Variants in SBNO1 observed in about 807,000 individuals in gnomAD.
SBNO1 encodes protein strawberry notch homolog 1.
SBNO1 carries 23 observed loss-of-function variants against 173.6 expected under a neutral mutation model. That is an observed-to-expected ratio of 0.13 (90% CI 0.10 to 0.19). The LOEUF (loss-of-function observed/expected upper bound fraction) is 0.19, where lower values mean the gene tolerates loss of function less well. Among genes scored for constraint, SBNO1 ranks in the 10% least tolerant of loss-of-function variants. SBNO1 has a pLI of 1.00. For missense variants in SBNO1, 1,238 were observed against 1,671.2 expected (o/e 0.74, Z 4.52); for synonymous variants, 632 against 571.5 (o/e 1.11, Z -1.51).
At chr12:123,336,871 C>A (rs1593385752) in intron 5 of SBNO1, among the ~76,000 whole-genome samples, 2 of 152,198 alleles carry the variant, frequency 1.3e-5, no homozygotes, top group Admixed American at 6.5e-5. Flanking sequence ...GTGTCTGGCT[C>A]TTCCTAGTGC....
intron 1 of SBNO1, 22 bp from the exon 2 acceptor site, chr12:123,350,463 A>C (rs1448265917): frequency 3.1e-6 from 5 of 1,601,752 alleles, no homozygotes; most frequent in Non-Finnish European, 3.4e-6. Flanking sequence ...AATATTAAAT[A>C]TTAACATAAA....
At chr12:123,301,200 G>A (rs1189098611) in intron 30 of SBNO1, among the ~76,000 whole-genome samples, 1 of 151,976 alleles carries the variant, frequency 6.6e-6, no homozygotes, top group Admixed American at 6.6e-5. Context: ...TAGAGACGTG[G>A]TTTCACCATG....
intron 1 of SBNO1, among the ~76,000 whole-genome samples, chr12:123,360,206 A>G (rs1223467782): frequency 6.6e-6 from 1 of 151,156 alleles, no homozygotes; most frequent in Non-Finnish European, 1.5e-5. Flanking sequence ...AGGTTGCACC[A>G]TTGCACTCCA....
Position 123,345,834 on chromosome 12 carries a change from A to G in SBNO1, c.238-264T>C, listed in dbSNP as rs149175052. On this transcript the variant is annotated intron_variant, in intron 3 of 31. Transcript: ENST00000602398. ...ACAGGTGCACACCACCATGCCCGGCAAATTTTTTTTAGAGATAAGAGTCTC... is the reference window on the plus strand; with the variant it reads ...ACAGGTGCACACCACCATGCCCGGCGAATTTTTTTTAGAGATAAGAGTCTC... Among the ~76,000 whole-genome samples, 243 of 152,072 alleles carry G rather than the reference A, an allele frequency of 1.6e-3. 3 individuals are homozygous for G. Among genetic ancestry groups the G allele is most frequent in the African/African-American group, 5.5e-3 (228 of 41,508 alleles).
chr12:123,311,186 C>A, intron 24 of SBNO1, 57 bp from the exon 25 acceptor site: 1 of 1,264,856 alleles, frequency 7.9e-7, no homozygotes, highest in South Asian at 1.2e-5. Context: ...TACAATGTAC[C>A]ACTAAGTGAG....
chr12:123,312,482 T>C (rs1215852335), intron 24 of SBNO1, among the ~76,000 whole-genome samples: 1 of 151,926 alleles, frequency 6.6e-6, no homozygotes, highest in Non-Finnish European at 1.5e-5. Context: ...GAGGTTGAGG[T>C]GGGAGGATCA....
At chr12:123,322,097 C>G (rs1870044559) in intron 16 of SBNO1, among the ~76,000 whole-genome samples, 2 of 152,172 alleles carry the variant, frequency 1.3e-5, no homozygotes, top group Admixed American at 6.6e-5. Context: ...GGTTTATAGA[C>G]ATGGAATACT....
At chr12:123,348,804 A>G (rs751980342) in intron 2 of SBNO1, among the ~76,000 whole-genome samples, 2 of 150,396 alleles carry the variant, frequency 1.3e-5, no homozygotes, top group Admixed American at 6.6e-5. Context: ...CTAAATAAAT[A>G]AAAACATTAG....
At chr12:123,362,033 G>A (rs990760688) in intron 1 of SBNO1, among the ~76,000 whole-genome samples, 2 of 152,004 alleles carry the variant, frequency 1.3e-5, no homozygotes, top group African/African-American at 4.8e-5. Context: ...CAGCTATTTG[G>A]GAGGCTGAGG....
intron 20 of SBNO1, among the ~76,000 whole-genome samples, chr12:123,318,824 G>A (rs916549775): frequency 3.3e-5 from 5 of 151,424 alleles, no homozygotes; most frequent in Admixed American, 2.0e-4. Flanking sequence ...GCCATTTACA[G>A]TAAATCGTCT....
intron 30 of SBNO1, among the ~76,000 whole-genome samples, chr12:123,299,690 AAAAAAAAAAC>A (rs2048720535): frequency 1.3e-5 from 2 of 151,154 alleles, no homozygotes; most frequent in East Asian, 3.9e-4. Context: ...TCAAAAAAAA[AAAAAAAAAAC>A]AAAAAAGCCA....
chr12:123,320,738 A>T lies in SBNO1; in HGVS notation c.2452T>A (p.Ser818Thr). The T allele has an allele frequency of 1.2e-6, 2 of 1,612,388 alleles. No homozygotes were observed. Among genetic ancestry groups the T allele is most frequent in the South Asian group, 2.2e-5 (2 of 90,506 alleles). ...GGAGCAGGTGAGATAACTGGTGTAG[A>T]TGAAAAACTAGGTCGTTTTGATCCA... ...GLGSKRPSFS[S>T]TPVISPAPNS... is the part of the protein sequence containing the mutation. The change falls in exon 18 of 32, where the codon TCT (serine) becomes ACT (threonine). Residue 818 changes from serine to threonine, a missense_variant. Around this residue, in one of 14 missense-constraint regions of SBNO1, gnomAD observed 74 missense variants for 68.5 expected, o/e 1.08. Transcript: ENST00000602398.
chr12:123,349,894 C>G (rs1199754844), intron 2 of SBNO1, among the ~76,000 whole-genome samples: 1 of 151,258 alleles, frequency 6.6e-6, no homozygotes, highest in East Asian at 1.9e-4. Context: ...GCCTGGGTGA[C>G]AGAGCAAGAC....
Position 123,292,118 on chromosome 12 carries a change from C to T in SBNO1, c.*3790G>A, listed in dbSNP as rs2048521226. 6.6e-6 allele frequency: 1 copy of T among 151,738 alleles called. No homozygotes were observed. Among genetic ancestry groups the T allele is most frequent in the African/African-American group, 2.4e-5 (1 of 41,302 alleles). The allele number at this position is 151,738 out of a possible 1,614,324, so 9.4% of individuals were successfully genotyped here. ...CAAAGTGGGCCGAGCGCAGTACGCA[C>T]AGGTGTGGTGTTAGCCAGGGAGACC... On this transcript the variant is annotated 3_prime_UTR_variant, in exon 32 of 32. Coordinates refer to ENST00000602398, the MANE Select transcript of SBNO1 (RefSeq NM_001167856.3).
chr12:123,341,696 A>G (rs1555250629), intron 4 of SBNO1, among the ~76,000 whole-genome samples: 5 of 148,602 alleles, frequency 3.4e-5, no homozygotes, highest in Non-Finnish European at 6.0e-5. Flanking sequence ...TAATTTTGTA[A>G]TTTTTTTTTT....
At chr12:123,338,155 G>A (rs748793298) in intron 5 of SBNO1, among the ~76,000 whole-genome samples, 1 of 152,164 alleles carries the variant, frequency 6.6e-6, no homozygotes, top group East Asian at 1.9e-4. Flanking sequence ...CGTGGGCCTG[G>A]GGTTGTCAGG....
chr12:123,317,503 G>T, intron 20 of SBNO1, 147 bp from the exon 21 acceptor site: 1 of 716,682 alleles, frequency 1.4e-6, no homozygotes, highest in Admixed American at 2.8e-5. Context: ...TCTCCCTTAC[G>T]GCTAAGTGTG....
At position 123,325,563 on chromosome 12, in the gene SBNO1, T is replaced by C; in HGVS notation, c.1912A>G (p.Arg638Gly). 3 of 1,613,380 alleles carry C rather than the reference T, an allele frequency of 1.9e-6. No individual in the cohort carries two copies. The highest frequency in any genetic ancestry group is 2.5e-6 in the Non-Finnish European group (3 of 1,179,362). ...VIGLQSTGEA[R>G]TLEALEEGGG... ...CCCTCTTCCAAAGCTTCTAATGTTCTAGCTTCTCCTGTAGACTGCAGACCA... is the reference window on the plus strand; with the variant it reads ...CCCTCTTCCAAAGCTTCTAATGTTCCAGCTTCTCCTGTAGACTGCAGACCA... Residue 638 changes from arginine to glycine, a missense_variant, in exon 15 of 32, where the codon AGA becomes GGA. By Grantham distance (125) the Arg-to-Gly change is moderately radical. Coordinates refer to ENST00000602398, the MANE Select transcript of SBNO1 (RefSeq NM_001167856.3).
intron 1 of SBNO1, among the ~76,000 whole-genome samples, chr12:123,361,729 TAA>T (rs10649364): frequency 1.5e-5 from 2 of 133,758 alleles, no homozygotes; most frequent in African/African-American, 2.8e-5. Flanking sequence ...CAAGACAGTC[TAA>T]AAAAAAAAAA....
Sources: gnomAD v4.1 joint callset for allele counts (sites outside exome capture counted in the v4.1 genomes callset) on GRCh38, gnomAD v4.1.1 for gene constraint, gnomAD v4.1.1 regional missense constraint, MANE v1.5 for transcripts, NCBI Gene and HGNC (gene_info 2026-07-23, HGNC 2026-07-21) for gene names.